TRPM1: variants seen among roughly 807,000 people sequenced by gnomAD.
TRPM1 encodes TRPM1-203 APA Isoform, Intron 10.
Under a neutral mutation model 149.4 loss-of-function variants are expected in TRPM1, and 113 were observed. That is an observed-to-expected ratio of 0.76 (90% CI 0.65 to 0.88). The LOEUF (loss-of-function observed/expected upper bound fraction) is 0.88. Among genes scored for constraint, TRPM1 ranks in the 40% least tolerant of loss-of-function variants. The pLI, the probability that TRPM1 is intolerant of heterozygous loss-of-function variation, is 0.00. For synonymous variants in TRPM1, 741 were observed against 759.5 expected, an observed-to-expected ratio of 0.98 and a Z score of 0.40; for missense variants, 1,976 against 2,038.7, an observed-to-expected ratio of 0.97 and a Z score of 0.59.
Position 31,029,672 on chromosome 15 carries a change from G to A in TRPM1, c.3128-281C>T, listed in dbSNP as rs10519726. On this transcript the variant is annotated intron_variant, in intron 23 of 27. Coordinates refer to ENST00000256552, the MANE Select transcript of TRPM1 (RefSeq NM_001252024.2). ...CATAAGCGAGAGCAAAAGCTCACTA[G>A]TTAAAAATACTGTGAAAAAGACATG... is the stretch of plus-strand genomic sequence containing the variant. Among the ~76,000 whole-genome samples the A allele has an allele frequency of 0.08, 12,192 of 152,212 alleles. 635 individuals carry two copies. Among genetic ancestry groups the A allele is most frequent in the Admixed American group, 0.14 (2,203 of 15,288 alleles).
chr15:31,066,941 G>T, intron 6 of TRPM1, 122 bp downstream of exon 6: 1 of 1,295,842 alleles, frequency 7.7e-7, no homozygotes, highest in South Asian at 1.2e-5. Context: ...ACCATTGGAG[G>T]AATGGGAAAG....
intron 11 of TRPM1, among the ~76,000 whole-genome samples, chr15:31,053,663 C>T (rs991276931): frequency 2.6e-5 from 4 of 152,164 alleles, no homozygotes; most frequent in African/African-American, 9.7e-5. Context: ...TAAAATGGTG[C>T]AACTGCTGTG....
chr15:31,047,604 A>G (rs996996629), intron 14 of TRPM1, among the ~76,000 whole-genome samples: 2 of 151,876 alleles, frequency 1.3e-5, no homozygotes, highest in Non-Finnish European at 2.9e-5. Flanking sequence ...CAGCCAGGCC[A>G]CCCCCTTCCC....
intron 1 of TRPM1, among the ~76,000 whole-genome samples, chr15:31,121,552 T>C (rs2035880689): frequency 6.6e-6 from 1 of 152,128 alleles, no homozygotes; most frequent in South Asian, 2.1e-4. Flanking sequence ...CAAATTTGTG[T>C]CCACAAATTT....
At chr15:31,090,136 C>T (rs1202803843) in intron 1 of TRPM1, among the ~76,000 whole-genome samples, 2 of 152,148 alleles carry the variant, frequency 1.3e-5, no homozygotes, top group South Asian at 2.1e-4. Flanking sequence ...GGTGCGTTCC[C>T]TTCAGCTATT....
Position 31,037,854 on chromosome 15 carries a change from AG to A in TRPM1, c.2440-13del. The stretch of plus-strand genomic sequence containing the variant: ...TCTGCATTTGCATCCTGGAAAACAG[AG>A]CACAGCACATGACAGGCAGGTGGCT... On this transcript the variant is annotated splice_polypyrimidine_tract_variant and intron_variant, in intron 19 of 27. Transcript: ENST00000256552. 1 of 1,614,130 alleles carries A rather than the reference AG, an allele frequency of 6.2e-7. No individual in the cohort carries two copies. The highest frequency in any genetic ancestry group is 1.1e-5 in the South Asian group (1 of 91,078).
At position 31,031,258 on chromosome 15, in the gene TRPM1, T is replaced by A; in HGVS notation, c.2953-101A>T. 3.8e-6 allele frequency: 5 copies of A among 1,323,446 alleles called. No homozygotes were observed. The South Asian group carries it at 6.0e-5, about 16-fold the overall frequency. The allele number at this position is 1,323,446 out of a possible 1,614,324, so 82.0% of individuals were successfully genotyped here. A position where few individuals can be genotyped will look rare whatever the true frequency, so the allele number is the denominator to read the frequency against. ...CTCCAATTAAGCACTTCACGAGTGCTTAATTAGGACGAAGAAAGCCTCTTT... is the reference window on the plus strand; with the variant it reads ...CTCCAATTAAGCACTTCACGAGTGCATAATTAGGACGAAGAAAGCCTCTTT... On this transcript the variant is annotated intron_variant, in intron 22 of 27. Transcript: ENST00000256552.
At chr15:31,139,533 A>G (rs1048417296) in intron 1 of TRPM1, among the ~76,000 whole-genome samples, 1 of 152,270 alleles carries the variant, frequency 6.6e-6, no homozygotes, top group Non-Finnish European at 1.5e-5. Context: ...AGAAAGAGTC[A>G]TAATGAATTG....
chr15:31,158,528 G>A (rs552403528), intron 1 of TRPM1, among the ~76,000 whole-genome samples: 4 of 151,234 alleles, frequency 2.6e-5, no homozygotes, highest in South Asian at 2.1e-4. Context: ...TTGGGAGGCT[G>A]AGGCAGGAGA....
chr15:31,113,646 CA>C (rs2035747760), intron 1 of TRPM1, among the ~76,000 whole-genome samples: 1 of 152,100 alleles, frequency 6.6e-6, no homozygotes, highest in Non-Finnish European at 1.5e-5. Context: ...ATTATTTTAT[CA>C]ACTAGTTTTT....
chr15:31,048,265 G>GAATA (rs952752134), intron 13 of TRPM1, among the ~76,000 whole-genome samples: 83 of 152,006 alleles, frequency 5.5e-4, no homozygotes, highest in Middle Eastern at 3.4e-3. Flanking sequence ...GTCTAAGAAT[G>GAATA]AATAAATAAA....
chr15:31,150,326 C>A (rs2036282887), intron 1 of TRPM1, among the ~76,000 whole-genome samples: 1 of 152,032 alleles, frequency 6.6e-6, no homozygotes, highest in South Asian at 2.1e-4. Flanking sequence ...GCTGGCGTTC[C>A]CAGGTGCATT....
rs536575383 is a variant in TRPM1 at position 31,067,202 on chromosome 15, T to G, written c.494-15A>C. 1.9e-6 allele frequency: 3 copies of G among 1,614,076 alleles called. No individual in the cohort carries two copies. The Admixed American group carries it at 5.0e-5, about 27-fold the overall frequency. ...GCTGATAACACCTGTGAGCAGCCAT[T>G]GGTCATATTTTAGGCTCTTTTACTT... On this transcript the variant is annotated splice_polypyrimidine_tract_variant and intron_variant, in intron 5 of 27. Coordinates refer to ENST00000256552, the MANE Select transcript of TRPM1 (RefSeq NM_001252024.2).
intron 27 of TRPM1, among the ~76,000 whole-genome samples, chr15:31,021,171 C>T (rs1316408841): frequency 2.6e-5 from 4 of 152,162 alleles, no homozygotes; most frequent in Non-Finnish European, 2.9e-5. Context: ...AGGATCATCC[C>T]CAAATGTCTT....
At chr15:31,088,344 G>T (rs1021034615) in intron 1 of TRPM1, among the ~76,000 whole-genome samples, 10 of 152,214 alleles carry the variant, frequency 6.6e-5, no homozygotes, top group African/African-American at 1.7e-4. Context: ...TATTGGTTGT[G>T]GAAGCTTTCT....
At chr15:31,008,320 G>A (rs578116309) in intron 27 of TRPM1, among the ~76,000 whole-genome samples, 3 of 152,308 alleles carry the variant, frequency 2.0e-5, no homozygotes, top group East Asian at 3.9e-4. Flanking sequence ...TAGATTTTAT[G>A]TAAATGCCAT....
At chr15:31,149,505 G>A (rs1456839388) in intron 1 of TRPM1, among the ~76,000 whole-genome samples, 9 of 150,510 alleles carry the variant, frequency 6.0e-5, no homozygotes, top group African/African-American at 2.2e-4. Flanking sequence ...GCTATAGCTC[G>A]TCATGTGCAT....
At chr15:31,069,492 A>G in intron 4 of TRPM1, 1 of 1,075,218 alleles carries the variant, frequency 9.3e-7, no homozygotes, top group Non-Finnish European at 1.1e-6. Context: ...TGTAATTCAG[A>G]GTGAGCTGGA....
intron 1 of TRPM1, among the ~76,000 whole-genome samples, chr15:31,141,118 C>A (rs558911656): frequency 2.0e-5 from 3 of 152,150 alleles, no homozygotes; most frequent in Middle Eastern, 3.4e-3. Context: ...AGGCATGAGC[C>A]ACCATACCTG....
Sources: allele counts gnomAD v4.1 joint callset (sites outside exome capture counted in the v4.1 genomes callset), GRCh38; gene constraint gnomAD v4.1.1; transcripts MANE v1.5; gene names NCBI Gene and HGNC (gene_info 2026-07-23, HGNC 2026-07-21).